ITGA9: variants seen among roughly 807,000 people sequenced by gnomAD.
ITGA9 encodes the protein integrin subunit alpha 9.
ITGA9 carries 56 observed loss-of-function variants against 127.8 expected under a neutral mutation model. The observed-to-expected ratio is 0.44, with a 90% CI of 0.35 to 0.55. The LOEUF is 0.55. ITGA9 is among the 20% of genes least tolerant of loss of function. The probability of loss-of-function intolerance (pLI) is 0.00; values close to 1 mark genes in which losing one functional copy is unlikely to be tolerated. For synonymous variants in ITGA9, 508 were observed against 514.5 expected, an observed-to-expected ratio of 0.99 and a Z score of 0.17; for missense variants, 1,196 against 1,347.1, an observed-to-expected ratio of 0.89 and a Z score of 1.76.
intron 23 of ITGA9, among the ~76,000 whole-genome samples, chr3:37,759,081 A>ACT (rs1453212571): frequency 6.6e-6 from 1 of 150,906 alleles, no homozygotes; most frequent in Non-Finnish European, 1.5e-5. Flanking sequence ...ATATACCCAC[A>ACT]CACACACACA....
rs978661042 is a variant in ITGA9 at position 37,458,507 on chromosome 3, A to G, written c.185+5948A>G. ...TCTGCCAGGGTCAGGTATTGGCTGG[A>G]GCTGTCTGGGAAGAGCACAGCCTCA... On this transcript the variant is annotated intron_variant, in intron 1 of 27. Transcript: ENST00000264741. Among the ~76,000 whole-genome samples, 7 of 152,204 alleles carry G rather than the reference A, an allele frequency of 4.6e-5. No individual in the cohort carries two copies. The East Asian group carries it at 1.2e-3, about 25-fold the overall frequency.
intron 16 of ITGA9, among the ~76,000 whole-genome samples, chr3:37,651,649 GGA>G (rs1464485653): frequency 6.6e-6 from 1 of 152,194 alleles, no homozygotes; most frequent in African/African-American, 2.4e-5. Context: ...ATGAGCAGTA[GGA>G]GGGAAAAGTG....
chr3:37,721,014 A>G (rs925239357), intron 18 of ITGA9, among the ~76,000 whole-genome samples: 23 of 151,254 alleles, frequency 1.5e-4, no homozygotes, highest in African/African-American at 5.4e-4. Flanking sequence ...CGCCGTCTCC[A>G]TTTGATCACA....
chr3:37,462,001 A>G (rs1247066976), intron 1 of ITGA9, among the ~76,000 whole-genome samples: 1 of 152,246 alleles, frequency 6.6e-6, no homozygotes, highest in African/African-American at 2.4e-5. Flanking sequence ...TTCTCTTGAA[A>G]AAAAATTATC....
At chr3:37,621,200 A>G (rs917773050) in intron 15 of ITGA9, among the ~76,000 whole-genome samples, 7 of 152,140 alleles carry the variant, frequency 4.6e-5, no homozygotes, top group African/African-American at 1.7e-4. Flanking sequence ...GCCATGTAAG[A>G]TGTGCCTTTT....
intron 22 of ITGA9, chr3:37,748,898 G>T: frequency 2.3e-6 from 2 of 888,698 alleles, no homozygotes; most frequent in Non-Finnish European, 3.8e-6. Flanking sequence ...TGAATTCATG[G>T]CATAATAGGT....
rs150241670 is a variant in ITGA9 at position 37,693,139 on chromosome 3, G to A, written c.2067+9124G>A. On this transcript the variant is annotated intron_variant, in intron 18 of 27. Transcript: ENST00000264741. Reference sequence around the variant, plus strand: ...TGTAAGCTCGTGAGGAATGTGCTTCGTACCTGGCATCGGTTGGCCATAAGT... The same window carrying A: ...TGTAAGCTCGTGAGGAATGTGCTTCATACCTGGCATCGGTTGGCCATAAGT... 3.7e-3 allele frequency among the ~76,000 whole-genome samples: 560 copies of A among 152,220 alleles called. 6 individuals carry two copies. Among genetic ancestry groups the A allele is most frequent in the African/African-American group, 0.013 (541 of 41,522 alleles).
intron 18 of ITGA9, among the ~76,000 whole-genome samples, chr3:37,728,124 A>T (rs550548710): frequency 6.6e-6 from 1 of 152,332 alleles, no homozygotes; most frequent in Non-Finnish European, 1.5e-5. Context: ...ATCAGCCTTG[A>T]TAAATGCTAA....
intron 27 of ITGA9, among the ~76,000 whole-genome samples, chr3:37,815,795 A>G (rs1697424102): frequency 6.6e-6 from 1 of 152,096 alleles, no homozygotes; most frequent in South Asian, 2.1e-4. Context: ...AGCAATATCC[A>G]TCTATGCAGG....
At chr3:37,758,186 G>A (rs1287229629) in intron 23 of ITGA9, among the ~76,000 whole-genome samples, 4 of 149,544 alleles carry the variant, frequency 2.7e-5, no homozygotes, top group Non-Finnish European at 1.5e-5. Flanking sequence ...AGCCGGGCGC[G>A]GTGGCGGGCG....
intron 22 of ITGA9, among the ~76,000 whole-genome samples, chr3:37,744,858 G>A (rs1696481893): frequency 6.6e-6 from 1 of 152,254 alleles, no homozygotes; most frequent in Admixed American, 6.5e-5. Flanking sequence ...GCCCAAGCGA[G>A]AAAGGATATC....
chr3:37,541,646 G>T (rs773481584), intron 14 of ITGA9, among the ~76,000 whole-genome samples: 2 of 152,074 alleles, frequency 1.3e-5, no homozygotes, highest in African/African-American at 4.8e-5. Context: ...GTTATTCTTT[G>T]CAGGAGAGGA....
intron 15 of ITGA9, among the ~76,000 whole-genome samples, chr3:37,554,546 A>G (rs377284248): frequency 3.3e-5 from 5 of 151,926 alleles, no homozygotes; most frequent in South Asian, 4.2e-4. Flanking sequence ...GCTGGCGGCT[A>G]TGTTGGGAAG....
intron 15 of ITGA9, among the ~76,000 whole-genome samples, chr3:37,571,421 A>G (rs1394438864): frequency 6.6e-6 from 1 of 152,222 alleles, no homozygotes; most frequent in Admixed American, 6.5e-5. Flanking sequence ...AAGAGGCCAG[A>G]CATTCTGTCT....
At position 37,733,515 on chromosome 3, in the gene ITGA9, C is replaced by CA. The variant is rs58505517; in HGVS notation, c.2154+746dup. 2.3e-3 allele frequency among the ~76,000 whole-genome samples: 186 copies of CA among 80,376 alleles called. 7 individuals are homozygous for CA. Among genetic ancestry groups the CA allele is most frequent in the African/African-American group, 5.1e-3 (105 of 20,780 alleles). The allele number at this position is 80,376 out of a possible 152,430, so 52.7% of individuals were successfully genotyped here. On this transcript the variant is annotated intron_variant, in intron 19 of 27. Transcript: ENST00000264741. ...ATGAACAGAGTGAGACTCCGTCTCA[C>CA]AAAAAAAAAAAAAAAAAAAAAAAAA... is the stretch of plus-strand genomic sequence containing the variant.
chr3:37,518,771 C>CTTTTTTTTTTTTTTTTTTTTTTT lies in ITGA9; in HGVS notation c.1142-480_1142-458dup, dbSNP rs543297344. On this transcript the variant is annotated intron_variant, in intron 10 of 27. Transcript: ENST00000264741. ...GTCAGCTTCTATAGTTTTCACTGTA[C>CTTTTTTTTTTTTTTTTTTTTTTT]TTTTTTTTTTTTTTTTTTTTTTTTT... Among the ~76,000 whole-genome samples the CTTTTTTTTTTTTTTTTTTTTTTT allele has an allele frequency of 4.6e-5, 2 of 43,492 alleles. 1 individual carries two copies. The allele number at this position is 43,492 out of a possible 152,430, so 28.5% of individuals were successfully genotyped here. A position where few individuals can be genotyped will look rare whatever the true frequency, so the allele number is the denominator to read the frequency against.
chr3:37,607,995 G>A (rs996814981), intron 15 of ITGA9, among the ~76,000 whole-genome samples: 1 of 152,174 alleles, frequency 6.6e-6, no homozygotes, highest in African/African-American at 2.4e-5. Context: ...GGCCAGACAC[G>A]AGAAAGCCAA....
At chr3:37,710,409 C>CCA (rs369286974) in intron 18 of ITGA9, among the ~76,000 whole-genome samples, 2 of 51,344 alleles carry the variant, frequency 3.9e-5, no homozygotes, top group African/African-American at 1.1e-4. Flanking sequence ...ATCCCCCCCC[C>CCA]ACACACATAA....
chr3:37,476,205 G>A (rs901955748), intron 3 of ITGA9, among the ~76,000 whole-genome samples: 4 of 152,142 alleles, frequency 2.6e-5, no homozygotes, highest in Non-Finnish European at 5.9e-5. Context: ...GTATACACCC[G>A]GAAGTGGGAT....
Sources: gnomAD v4.1 joint callset for allele counts (sites outside exome capture counted in the v4.1 genomes callset) on GRCh38, gnomAD v4.1.1 for gene constraint, MANE v1.5 for transcripts, NCBI Gene and HGNC (gene_info 2026-07-23, HGNC 2026-07-21) for gene names.